The following ROBO1 variants were observed in gnomAD, a reference collection of about 807,000 sequenced individuals.
The protein encoded by ROBO1 is roundabout homolog 1.
Under a neutral mutation model 195.9 loss-of-function variants are expected in ROBO1, and 149 were observed. The observed-to-expected ratio is 0.76, with a 90% CI of 0.67 to 0.87. ROBO1 has a LOEUF of 0.87. Among genes scored for constraint, ROBO1 ranks in the 40% least tolerant of loss-of-function variants. The probability of loss-of-function intolerance (pLI) is 0.00; values close to 1 mark genes in which losing one functional copy is unlikely to be tolerated. For missense variants in ROBO1, 1,933 were observed against 2,068.3 expected (o/e 0.93, Z 1.27); for synonymous variants, 816 against 733.2 (o/e 1.11, Z -1.82).
At chr3:78,788,497 CAAATA>C (rs2083920536) in intron 4 of ROBO1, among the ~76,000 whole-genome samples, 2 of 143,940 alleles carry the variant, frequency 1.4e-5, no homozygotes, top group Non-Finnish European at 3.0e-5. Flanking sequence ...TCAGTATTGC[CAAATA>C]AAATAATAAA....
chr3:79,077,131 A>C (rs545753884), intron 3 of ROBO1, among the ~76,000 whole-genome samples: 1 of 152,058 alleles, frequency 6.6e-6, no homozygotes, highest in African/African-American at 2.4e-5. Flanking sequence ...TACGTGAGAT[A>C]TCCAGAACTT....
chr3:78,830,244 G>C (rs2032033074), intron 4 of ROBO1, among the ~76,000 whole-genome samples: 1 of 152,076 alleles, frequency 6.6e-6, no homozygotes, highest in Non-Finnish European at 1.5e-5. Flanking sequence ...AATTATAACA[G>C]AACAAAGGCC....
chr3:79,656,505 T>C (rs888084223), intron 1 of ROBO1, among the ~76,000 whole-genome samples: 8 of 152,120 alleles, frequency 5.3e-5, no homozygotes, highest in Non-Finnish European at 1.2e-4. Context: ...CATTTTATTT[T>C]ATTTATTTTT....
intron 2 of ROBO1, among the ~76,000 whole-genome samples, chr3:79,151,275 A>G (rs1353640661): frequency 2.0e-5 from 3 of 151,780 alleles, no homozygotes; most frequent in Non-Finnish European, 4.4e-5. Flanking sequence ...AATAATACAT[A>G]CATGCCAAAT....
chr3:79,354,047 A>C (rs75506895), intron 2 of ROBO1, among the ~76,000 whole-genome samples: 1 of 99,372 alleles, frequency 1.0e-5, no homozygotes, highest in Non-Finnish European at 2.1e-5. Context: ...TCTGTCTCAC[A>C]AAAAAAAAAA....
intron 1 of ROBO1, among the ~76,000 whole-genome samples, chr3:79,600,355 C>T (rs1026064608): frequency 3.3e-5 from 5 of 151,676 alleles, no homozygotes; most frequent in Non-Finnish European, 7.4e-5. Flanking sequence ...TTGGTTTGGT[C>T]GAAGAGAAGT....
intron 1 of ROBO1, among the ~76,000 whole-genome samples, chr3:79,669,761 A>G (rs556685492): frequency 1.3e-5 from 2 of 152,054 alleles, no homozygotes; most frequent in South Asian, 2.1e-4. Flanking sequence ...AGGGAGATCA[A>G]AAATATCTTA....
rs182202754 is a variant in ROBO1, at chr3:79,450,402, A to G, written c.88+139422T>C. On this transcript the variant is annotated intron_variant, in intron 2 of 30. Transcript: ENST00000464233. ...AAAAAAGAAAGGGAAAGTAAGAAAA[A>G]TAATAATAATAATACTGAGAGGTGA... Among the ~76,000 whole-genome samples the G allele has an allele frequency of 3.9e-4, 59 of 152,022 alleles. No individual in the cohort carries two copies. In the East Asian group the frequency reaches 4.6e-3, roughly 12 times the overall value.
At chr3:79,450,949 T>C (rs889686917) in intron 2 of ROBO1, among the ~76,000 whole-genome samples, 1 of 151,940 alleles carries the variant, frequency 6.6e-6, no homozygotes, top group Non-Finnish European at 1.5e-5. Flanking sequence ...TATTTTCTAT[T>C]AATCATTTTT....
At chr3:79,256,427 C>T (rs910003723) in intron 2 of ROBO1, among the ~76,000 whole-genome samples, 6 of 151,958 alleles carry the variant, frequency 3.9e-5, no homozygotes, top group Non-Finnish European at 7.4e-5. Flanking sequence ...GAACAAGTTA[C>T]AAGTTAGTAT....
intron 1 of ROBO1, among the ~76,000 whole-genome samples, chr3:79,648,135 C>CT (rs1349439397): frequency 6.6e-6 from 1 of 152,064 alleles, no homozygotes; most frequent in Non-Finnish European, 1.5e-5. Flanking sequence ...ATTATAAGGT[C>CT]AGGAACTTTT....
At chr3:79,343,292 A>C (rs1171037554) in intron 2 of ROBO1, among the ~76,000 whole-genome samples, 1 of 152,176 alleles carries the variant, frequency 6.6e-6, no homozygotes, top group Non-Finnish European at 1.5e-5. Context: ...TGGCAACTAC[A>C]AATAAAGATG....
At chr3:79,384,013 T>G (rs76102916) in intron 2 of ROBO1, among the ~76,000 whole-genome samples, 3,617 of 152,126 alleles carry the variant, frequency 0.024, 143 homozygotes, top group African/African-American at 0.082. Flanking sequence ...AATTTCACTT[T>G]TTTTTCCTAA....
intron 2 of ROBO1, among the ~76,000 whole-genome samples, chr3:79,551,974 C>A (rs1362729026): frequency 1.3e-5 from 1 of 74,236 alleles, no homozygotes; most frequent in African/African-American, 5.3e-5. Flanking sequence ...GATCTCTCTA[C>A]AGAGTTAAAA....
In ROBO1 at chr3:79,502,448, G is replaced by C. The variant is rs373781878; in HGVS notation, c.88+87376C>G. On this transcript the variant is annotated intron_variant, in intron 2 of 30. Coordinates refer to ENST00000464233, the MANE Select transcript of ROBO1 (RefSeq NM_002941.4). ...CGCCGGGCCTTAGCTGCCTCCCCGC[G>C]GGGCAGGGCTCGGGACCTGTAGCCC... is the stretch of plus-strand genomic sequence containing the variant. Among the ~76,000 whole-genome samples the C allele has an allele frequency of 2.6e-5, 4 of 152,230 alleles. No individual in the cohort carries two copies. The East Asian group carries it at 7.8e-4, about 30-fold the overall frequency.
At chr3:78,880,673 T>C (rs1485353594) in intron 4 of ROBO1, among the ~76,000 whole-genome samples, 1 of 152,196 alleles carries the variant, frequency 6.6e-6, no homozygotes, top group Non-Finnish European at 1.5e-5. Context: ...CTTTGAACCA[T>C]TAGGCAGTTG....
At chr3:79,565,533 C>G (rs992304576) in intron 2 of ROBO1, among the ~76,000 whole-genome samples, 2 of 151,964 alleles carry the variant, frequency 1.3e-5, no homozygotes, top group Non-Finnish European at 2.9e-5. Context: ...AAACTTGTTT[C>G]TTTCCTTTAG....
intron 2 of ROBO1, among the ~76,000 whole-genome samples, chr3:79,555,620 C>T (rs184883844): frequency 3.3e-4 from 50 of 152,168 alleles, no homozygotes; most frequent in South Asian, 4.1e-4. Flanking sequence ...TTCATAGGTG[C>T]GTGGCCAATA....
At chr3:78,651,293 A>C (rs1280640973) in intron 19 of ROBO1, among the ~76,000 whole-genome samples, 1 of 152,194 alleles carries the variant, frequency 6.6e-6, no homozygotes, top group Non-Finnish European at 1.5e-5. Context: ...GTATTTTATA[A>C]ATAATCAAAC....
Sources: gnomAD v4.1 joint callset for allele counts (sites outside exome capture counted in the v4.1 genomes callset) on GRCh38, gnomAD v4.1.1 for gene constraint, MANE v1.5 for transcripts, NCBI Gene and HGNC (gene_info 2026-07-23, HGNC 2026-07-21) for gene names.